The following GSTCD variants were observed in gnomAD, a reference collection of about 807,000 sequenced individuals.
GSTCD encodes glutathione S-transferase C-terminal domain-containing protein.
GSTCD carries 44 observed loss-of-function variants against 68.3 expected under a neutral mutation model. That is an observed-to-expected ratio of 0.64 (90% CI 0.51 to 0.83). The LOEUF is 0.83. GSTCD is among the 40% of genes least tolerant of loss of function. GSTCD has a pLI of 0.00. For synonymous variants in GSTCD, 273 were observed against 255.2 expected, an observed-to-expected ratio of 1.07 and a Z score of -0.67; for missense variants, 739 against 735.9, an observed-to-expected ratio of 1.00 and a Z score of -0.05.
At chr4:105,776,540 T>C (rs1271779342) in intron 5 of GSTCD, among the ~76,000 whole-genome samples, 4 of 152,160 alleles carry the variant, frequency 2.6e-5, no homozygotes, top group Admixed American at 6.5e-5. Flanking sequence ...TGTGCTGAAG[T>C]GCACCTTTCC....
chr4:105,750,799 T>C (rs140844808), intron 5 of GSTCD, among the ~76,000 whole-genome samples: 149 of 152,320 alleles, frequency 9.8e-4, no homozygotes, highest in Non-Finnish European at 1.9e-3. Context: ...TGGAATACTA[T>C]TCAGCAGTAA....
In GSTCD at chr4:105,818,960, A is replaced by G. The variant is rs536368590; in HGVS notation, c.1241-3994A>G. Among the ~76,000 whole-genome samples, 4 of 151,944 alleles carry G rather than the reference A, an allele frequency of 2.6e-5. No homozygotes were observed. In the South Asian group the frequency reaches 8.3e-4, roughly 31 times the overall value. On this transcript the variant is annotated intron_variant, in intron 5 of 11. Transcript: ENST00000515279. Reference sequence around the variant, plus strand: ...TCTAATTTGAAGATATACTATATCCAGAATAAAAATGATGCAGACTAACAT... The same window carrying G: ...TCTAATTTGAAGATATACTATATCCGGAATAAAAATGATGCAGACTAACAT...
chr4:105,845,328 A>T (rs1198782564), intron 11 of GSTCD, 113 bp from the exon 12 acceptor site: 42 of 1,105,542 alleles, frequency 3.8e-5, no homozygotes, highest in Non-Finnish European at 4.5e-5. Context: ...TAGGGGTACA[A>T]AGCATGCTCC....
At chr4:105,747,019 G>C (rs1428574597) in intron 5 of GSTCD, among the ~76,000 whole-genome samples, 4 of 152,186 alleles carry the variant, frequency 2.6e-5, no homozygotes, top group Non-Finnish European at 1.5e-5. Context: ...TCTTTGGAAA[G>C]AGGCAGATAC....
intron 5 of GSTCD, among the ~76,000 whole-genome samples, chr4:105,807,976 A>G (rs887054945): frequency 6.6e-6 from 1 of 152,088 alleles, no homozygotes; most frequent in African/African-American, 2.4e-5. Flanking sequence ...TGCCTTGTAC[A>G]TGTATCAGTT....
At chr4:105,772,903 T>A (rs1734910411) in intron 5 of GSTCD, among the ~76,000 whole-genome samples, 1 of 152,192 alleles carries the variant, frequency 6.6e-6, no homozygotes, top group African/African-American at 2.4e-5. Flanking sequence ...CCTCTTTTTC[T>A]GTTGTTTGCA....
At chr4:105,833,813 G>A (rs1002397168) in intron 8 of GSTCD, among the ~76,000 whole-genome samples, 2 of 152,112 alleles carry the variant, frequency 1.3e-5, no homozygotes, top group Admixed American at 6.5e-5. Context: ...TTATTTTTAT[G>A]AGTTATTGAA....
intron 5 of GSTCD, among the ~76,000 whole-genome samples, chr4:105,758,698 G>A (rs1436214551): frequency 2.6e-5 from 4 of 152,086 alleles, no homozygotes; most frequent in Non-Finnish European, 4.4e-5. Context: ...CTGGAAGGGC[G>A]ATAATAGGGT....
chr4:105,725,520 T>A (rs1244150483), intron 3 of GSTCD, among the ~76,000 whole-genome samples: 1 of 152,144 alleles, frequency 6.6e-6, no homozygotes, highest in Non-Finnish European at 1.5e-5. Context: ...GTTTTGGGTT[T>A]TTGCCATTCT....
Position 105,839,373 on chromosome 4 carries a change from C to T in GSTCD, c.1695+1484C>T, listed in dbSNP as rs543564559. ...AAAACAGCCCAGGTGCAGTGGCTCA[C>T]GCCTGTAAACCCAGCACTTTGGGAG... On this transcript the variant is annotated intron_variant, in intron 10 of 11. Transcript: ENST00000515279. Among the ~76,000 whole-genome samples the T allele has an allele frequency of 3.9e-5, 6 of 152,228 alleles. No individual in the cohort carries two copies. The South Asian group carries it at 6.2e-4, about 16-fold the overall frequency.
At chr4:105,817,438 C>G (rs1052120290) in intron 5 of GSTCD, among the ~76,000 whole-genome samples, 1 of 151,714 alleles carries the variant, frequency 6.6e-6, no homozygotes, top group Non-Finnish European at 1.5e-5. Context: ...AATGCCATCA[C>G]ACTGTTAAGC....
intron 1 of GSTCD, among the ~76,000 whole-genome samples, chr4:105,713,478 A>G (rs1732598700): frequency 1.3e-5 from 2 of 152,230 alleles, no homozygotes; most frequent in South Asian, 4.1e-4. Flanking sequence ...ATGAAATTTT[A>G]TTTATAAATA....
intron 5 of GSTCD, chr4:105,760,995 AATTTTTT>A: frequency 3.9e-6 from 1 of 258,992 alleles, no homozygotes; most frequent in South Asian, 3.0e-5. Context: ...ATCCTTTTTT[AATTTTTT>A]TTTTTTTTTT....
intron 5 of GSTCD, among the ~76,000 whole-genome samples, chr4:105,789,776 G>A (rs373085582): frequency 1.3e-5 from 2 of 151,826 alleles, no homozygotes; most frequent in African/African-American, 4.8e-5. Flanking sequence ...CAGGAGGGAG[G>A]ACCATTGGGA....
intron 5 of GSTCD, among the ~76,000 whole-genome samples, chr4:105,808,455 A>G (rs1722615243): frequency 6.6e-6 from 1 of 152,132 alleles, no homozygotes; most frequent in Non-Finnish European, 1.5e-5. Context: ...CTGTATCTTA[A>G]TCTAAGCAAC....
chr4:105,715,933 C>T (rs2149203386), intron 1 of GSTCD, among the ~76,000 whole-genome samples: 1 of 151,700 alleles, frequency 6.6e-6, no homozygotes, highest in East Asian at 1.9e-4. Context: ...AATTTTTGAC[C>T]CGGGAAATGT....
chr4:105,800,111 C>T (rs1183332612), intron 5 of GSTCD, among the ~76,000 whole-genome samples: 1 of 152,006 alleles, frequency 6.6e-6, no homozygotes, highest in Non-Finnish European at 1.5e-5. Context: ...AAAGACATAC[C>T]CGAGACTGGG....
chr4:105,709,632 T>C (rs1014760258), intron 1 of GSTCD, among the ~76,000 whole-genome samples: 1 of 152,194 alleles, frequency 6.6e-6, no homozygotes, highest in African/African-American at 2.4e-5. Context: ...CCCAACTTTC[T>C]ACCTGGTTTT....
intron 5 of GSTCD, among the ~76,000 whole-genome samples, chr4:105,734,191 C>G (rs1733367239): frequency 6.6e-6 from 1 of 152,132 alleles, no homozygotes; most frequent in African/African-American, 2.4e-5. Context: ...CGAGGAACAT[C>G]TTTGTGGCAT....
Sources: gnomAD v4.1 joint callset for allele counts (sites outside exome capture counted in the v4.1 genomes callset) on GRCh38, gnomAD v4.1.1 for gene constraint, MANE v1.5 for transcripts, NCBI Gene and HGNC (gene_info 2026-07-23, HGNC 2026-07-21) for gene names.